Variants in ANKFN1 observed in about 807,000 individuals in gnomAD.
The protein encoded by ANKFN1 is ankyrin repeat and fibronectin type-III domain-containing protein 1.
A neutral mutation model predicts 108.7 loss-of-function variants in ANKFN1; 74 were observed. That is an observed-to-expected ratio of 0.68 (90% CI 0.56 to 0.83). The LOEUF is 0.83. Among genes scored for constraint, ANKFN1 ranks in the 40% least tolerant of loss-of-function variants. The pLI is 0.00. For missense variants in ANKFN1, 1,505 were observed against 1,382.3 expected, an observed-to-expected ratio of 1.09 and a Z score of -1.41; for synonymous variants, 547 against 516.2, an observed-to-expected ratio of 1.06 and a Z score of -0.81.
At chr17:56,435,308 C>G (rs1236745030) in intron 8 of ANKFN1, among the ~76,000 whole-genome samples, 1 of 152,158 alleles carries the variant, frequency 6.6e-6, no homozygotes, top group African/African-American at 2.4e-5. Context: ...TGATATTAAT[C>G]AGACATGGTC....
intron 3 of ANKFN1, among the ~76,000 whole-genome samples, chr17:56,255,053 C>T (rs1567866073): frequency 6.6e-6 from 1 of 152,196 alleles, no homozygotes; most frequent in Admixed American, 6.5e-5. Context: ...AGACAACAAA[C>T]CCTTATAGAA....
rs2145498351 is a variant in ANKFN1 at position 56,510,995 on chromosome 17, C to T, written c.3167C>T (p.Pro1056Leu). ...CCCAAGGAGGCCAAGCGGGCCGGCCCTGCCCTTGATGATCCCAGGGGCCTA... is the reference window on the plus strand; with the variant it reads ...CCCAAGGAGGCCAAGCGGGCCGGCCTTGCCCTTGATGATCCCAGGGGCCTA... Reference protein sequence around the residue: ...QEPKEAKRAGPALDDPRGLTL... With the variant: ...QEPKEAKRAGLALDDPRGLTL... The change falls in exon 21 of 21, where the codon CCT becomes CTT. Residue 1056 changes from proline (P) to leucine (L), a missense_variant. Physicochemically the swap from Pro to Leu is moderately conservative, Grantham distance 98. Coordinates refer to ENST00000682825, the MANE Select transcript of ANKFN1 (RefSeq NM_001370326.1). The T allele has an allele frequency of 6.5e-7, 1 of 1,536,024 alleles. No homozygotes were observed. Among genetic ancestry groups the T allele is most frequent in the Non-Finnish European group, 8.7e-7 (1 of 1,146,872 alleles).
At chr17:56,345,843 C>G (rs2046085545) in intron 4 of ANKFN1, among the ~76,000 whole-genome samples, 1 of 152,028 alleles carries the variant, frequency 6.6e-6, no homozygotes, top group Admixed American at 6.6e-5. Flanking sequence ...TAGGTTGCCT[C>G]TTCACTCTGA....
intron 8 of ANKFN1, among the ~76,000 whole-genome samples, chr17:56,382,875 T>G (rs1365858255): frequency 6.6e-6 from 1 of 152,054 alleles, no homozygotes; most frequent in South Asian, 2.1e-4. Flanking sequence ...CACACAATAA[T>G]AATGGGAGAC....
intron 3 of ANKFN1, among the ~76,000 whole-genome samples, chr17:56,253,828 A>G (rs1006156414): frequency 3.8e-4 from 58 of 152,232 alleles, no homozygotes; most frequent in African/African-American, 1.2e-3. Flanking sequence ...ATCCGGGATA[A>G]CACTTACACC....
chr17:56,511,194 C>G lies in ANKFN1; in HGVS notation c.3366C>G (p.Ser1122Arg). The G allele has an allele frequency of 6.5e-7, 1 of 1,535,824 alleles. No homozygotes were observed. Among genetic ancestry groups the G allele is most frequent in the Non-Finnish European group, 8.7e-7 (1 of 1,146,784 alleles). ...PPSGGRITLP[S>R]PTGPDVSQEG... is the part of the protein sequence containing the mutation. ...CTGGAGGCCGCATCACCCTGCCCAG[C>G]CCCACTGGCCCCGATGTGAGTCAGG... Residue 1122 changes from serine to arginine, a missense_variant, in exon 21 of 21, where the codon AGC becomes AGG. By Grantham distance (110) the Ser-to-Arg change is moderately radical (BLOSUM62 -1). Coordinates refer to ENST00000682825, the MANE Select transcript of ANKFN1 (RefSeq NM_001370326.1).
In ANKFN1 at chr17:56,495,237, T is replaced by C. The variant is rs576394838; in HGVS notation, c.2427+2884T>C. Among the ~76,000 whole-genome samples the C allele has an allele frequency of 1.4e-4, 21 of 152,232 alleles. 1 individual carries two copies. The highest frequency in any genetic ancestry group is 4.6e-4 in the African/African-American group (19 of 41,552). ...CACCCATAGCCTTCAATGAACCACC[T>C]TGCTTCTCCCAACATGGATAACTTC... On this transcript the variant is annotated intron_variant, in intron 19 of 20. Coordinates refer to ENST00000682825, the MANE Select transcript of ANKFN1 (RefSeq NM_001370326.1).
chr17:56,118,337 G>T (rs11079211), intron 4 of ANKFN1, among the ~76,000 whole-genome samples: 83,073 of 151,992 alleles, frequency 0.55, 22,985 homozygotes, highest in East Asian at 0.81. Flanking sequence ...CCACAACATA[G>T]TACATTTCCA....
At chr17:56,082,732 C>T (rs1020036067) in intron 4 of ANKFN1, among the ~76,000 whole-genome samples, 7 of 152,170 alleles carry the variant, frequency 4.6e-5, no homozygotes, top group African/African-American at 1.7e-4. Context: ...GGTGGATGGG[C>T]TTGATCACAA....
intron 6 of ANKFN1, among the ~76,000 whole-genome samples, chr17:56,354,946 C>T (rs1040271817): frequency 1.3e-5 from 2 of 152,082 alleles, no homozygotes; most frequent in African/African-American, 2.4e-5. Context: ...TGGATATATA[C>T]CCAGTAGTGG....
intron 16 of ANKFN1, 39 bp downstream of exon 16, chr17:56,477,693 C>CA: frequency 6.3e-7 from 1 of 1,598,316 alleles, no homozygotes; most frequent in Non-Finnish European, 8.5e-7. Flanking sequence ...TGTGATGAAA[C>CA]AGTGGCTCAA....
intron 3 of ANKFN1, among the ~76,000 whole-genome samples, chr17:56,273,962 T>C (rs1154929): frequency 0.062 from 9,471 of 152,276 alleles, 313 homozygotes; most frequent in South Asian, 0.11. Context: ...ACTTCTTCTA[T>C]GTTTGCTTCA....
At chr17:56,228,206 G>GT in intron 3 of ANKFN1, 1 of 399,888 alleles carries the variant, frequency 2.5e-6, no homozygotes, top group Non-Finnish European at 4.4e-6. Flanking sequence ...AAAGTGAGGA[G>GT]TAAAAAAATA....
intron 1 of ANKFN1, among the ~76,000 whole-genome samples, chr17:56,166,747 C>G (rs540882443): frequency 3.9e-5 from 6 of 152,224 alleles, no homozygotes; most frequent in African/African-American, 1.4e-4. Flanking sequence ...GCCCTTCACT[C>G]CTGAATCCCC....
At chr17:56,396,050 A>AC (rs2047574450) in intron 8 of ANKFN1, among the ~76,000 whole-genome samples, 1 of 152,088 alleles carries the variant, frequency 6.6e-6, no homozygotes, top group Non-Finnish European at 1.5e-5. Context: ...AACAAAACAA[A>AC]AAAAACAAAA....
At chr17:56,122,207 T>C (rs1394341526) in intron 4 of ANKFN1, among the ~76,000 whole-genome samples, 1 of 152,208 alleles carries the variant, frequency 6.6e-6, no homozygotes, top group Non-Finnish European at 1.5e-5. Context: ...CAGTAAAATA[T>C]CATCTAAGTT....
At chr17:56,113,371 A>C (rs141380593) in intron 4 of ANKFN1, among the ~76,000 whole-genome samples, 118 of 152,364 alleles carry the variant, frequency 7.7e-4, no homozygotes, top group African/African-American at 2.6e-3. Flanking sequence ...AACTGCATGC[A>C]CAATGAAAAG....
intron 2 of ANKFN1, among the ~76,000 whole-genome samples, chr17:56,221,724 G>C (rs1484732970): frequency 2.0e-5 from 3 of 152,208 alleles, no homozygotes; most frequent in African/African-American, 7.2e-5. Context: ...ATCTGTAGAT[G>C]GGAAAAGCTG....
At position 56,189,170 on chromosome 17, in the gene ANKFN1, C is replaced by CTTTTTTTTTTTTTTTT. The variant is rs532063852; in HGVS notation, c.-70-23425_-70-23410dup. 9.4e-5 allele frequency among the ~76,000 whole-genome samples: 8 copies of CTTTTTTTTTTTTTTTT among 85,260 alleles called. 2 individuals are homozygous for CTTTTTTTTTTTTTTTT. Among genetic ancestry groups the CTTTTTTTTTTTTTTTT allele is most frequent in the African/African-American group, 2.7e-4 (4 of 14,758 alleles). The allele number at this position is 85,260 out of a possible 152,430, so 55.9% of individuals were successfully genotyped here. On this transcript the variant is annotated intron_variant, in intron 1 of 20. Coordinates refer to ENST00000682825, the MANE Select transcript of ANKFN1 (RefSeq NM_001370326.1). ...CCTAAGTAAGTAAATGTTGCCCTGA[C>CTTTTTTTTTTTTTTTT]TTTTTTTTTTTTTTTTTTGAGACGG...
Sources: gnomAD v4.1 joint callset for allele counts (sites outside exome capture counted in the v4.1 genomes callset) on GRCh38, gnomAD v4.1.1 for gene constraint, MANE v1.5 for transcripts, NCBI Gene and HGNC (gene_info 2026-07-23, HGNC 2026-07-21) for gene names.